Variants in SCGB2B2 observed in about 807,000 individuals in gnomAD.
The protein encoded by SCGB2B2 is secretoglobin family 2B member 2, also known as secretoglobin-like protein.
In SCGB2B2, 11 loss-of-function variants were observed where a neutral mutation model predicts 7.6. That is an observed-to-expected ratio of 1.45 (90% CI 0.91 to 2.40). The LOEUF is 2.40. Among genes scored for constraint, SCGB2B2 ranks in the 30% most tolerant of loss-of-function variants. SCGB2B2 has a pLI of 0.00. For synonymous variants in SCGB2B2, 50 were observed against 48.6 expected (o/e 1.03, Z -0.12); for missense variants, 104 against 115.4 (o/e 0.90, Z 0.45).
chr19:34,594,242 A>G lies in SCGB2B2; in HGVS notation c.179T>C (p.Phe60Ser), dbSNP rs1214921726. 2 of 1,613,994 alleles carry G rather than the reference A, an allele frequency of 1.2e-6. No homozygotes were observed. The highest frequency in any genetic ancestry group is 1.7e-6 in the Non-Finnish European group (2 of 1,179,974). Residue 60 changes from phenylalanine (F) to serine (S), a missense_variant, in exon 3 of 4, where the codon TTC becomes TCC. Coordinates refer to ENST00000601241, the MANE Select transcript of SCGB2B2 (RefSeq NM_001025591.4). ...GGCAAAGCATTGCTGGACATTGAGG[A>G]AGGACTCCTCTGTCAGGGGACTGGG... ...YNPSPLTEES[F>S]LNVQQCFANV...
chr19:34,637,229 G>C (rs1568437406), intron 1 of SCGB2B2, among the ~76,000 whole-genome samples: 2 of 152,132 alleles, frequency 1.3e-5, no homozygotes, highest in Non-Finnish European at 2.9e-5. Flanking sequence ...GGATCTATTG[G>C]GTTCACTGCA....
chr19:34,664,974 C>T (rs2067572985), intron 1 of SCGB2B2, among the ~76,000 whole-genome samples: 2 of 152,328 alleles, frequency 1.3e-5, no homozygotes, highest in Admixed American at 1.3e-4. Context: ...GCACCTCCTG[C>T]CCAGGTGTTT....
chr19:34,621,641 C>T (rs2066245281), intron 1 of SCGB2B2, among the ~76,000 whole-genome samples: 3 of 152,116 alleles, frequency 2.0e-5, no homozygotes, highest in Non-Finnish European at 2.9e-5. Context: ...TGGATATCCT[C>T]TTTTAATTAA....
intron 1 of SCGB2B2, among the ~76,000 whole-genome samples, chr19:34,657,800 T>C (rs1054808936): frequency 6.6e-5 from 10 of 152,334 alleles, no homozygotes; most frequent in African/African-American, 2.4e-4. Flanking sequence ...TACATTCTTC[T>C]CAGCACCACA....
rs957782018 is a variant in SCGB2B2, at chr19:34,628,983, G to T, written c.-2031-32389C>A. 3.1e-4 allele frequency among the ~76,000 whole-genome samples: 47 copies of T among 151,436 alleles called. 1 individual carries two copies. Among genetic ancestry groups the T allele is most frequent in the Admixed American group, 6.6e-4 (10 of 15,200 alleles). On this transcript the variant is annotated intron_variant, in intron 1 of 3. Coordinates refer to ENST00000601241, the MANE Select transcript of SCGB2B2 (RefSeq NM_001025591.4). ...GTTCAACATATGCAAATCAATAAAC[G>T]TAATCTATCATATAAACAGAACCAA...
chr19:34,622,067 A>C (rs755294652), intron 1 of SCGB2B2, among the ~76,000 whole-genome samples: 4 of 152,172 alleles, frequency 2.6e-5, no homozygotes, highest in Non-Finnish European at 5.9e-5. Context: ...ATATACAGTT[A>C]AGTCATTCCT....
In SCGB2B2 at chr19:34,656,182, G is replaced by A. The variant is rs956612288; in HGVS notation, c.-2032+19448C>T. 5.3e-5 allele frequency among the ~76,000 whole-genome samples: 8 copies of A among 151,176 alleles called. 1 individual carries two copies. Among genetic ancestry groups the A allele is most frequent in the African/African-American group, 1.5e-4 (6 of 40,510 alleles). On this transcript the variant is annotated intron_variant, in intron 1 of 3. Transcript: ENST00000601241. ...AGGAGGATTTACACCAGCAACGCAC[G>A]GTAGGTTTCAAATTACAAAATTATT... is the stretch of plus-strand genomic sequence containing the variant.
chr19:34,629,461 C>T lies in SCGB2B2; in HGVS notation c.-2031-32867G>A, dbSNP rs1224079554. On this transcript the variant is annotated intron_variant, in intron 1 of 3. Coordinates refer to ENST00000601241, the MANE Select transcript of SCGB2B2 (RefSeq NM_001025591.4). ...ATCAATGTGCAAAAATCAAGCATTC[C>T]TATACACCAATAACAGATAAACAGA... Among the ~76,000 whole-genome samples, 3 of 151,242 alleles carry T rather than the reference C, an allele frequency of 2.0e-5. 1 individual carries two copies. Among genetic ancestry groups the T allele is most frequent in the African/African-American group, 7.3e-5 (3 of 40,892 alleles).
chr19:34,593,591 G>T lies in SCGB2B2; in HGVS notation c.255C>A (p.Ile85=), dbSNP rs1341965795. 6.4e-7 allele frequency: 1 copy of T among 1,553,072 alleles called. No homozygotes were observed. The highest frequency in any genetic ancestry group is 1.9e-5 in the Admixed American group (1 of 51,426). Residue 85 remains isoleucine (I), a synonymous_variant, in exon 4 of 4, where the codon ATC becomes ATA. Transcript: ENST00000601241. ...CTTCTATGCAATCGTTGCTCTGAAGGATCTTCTTCTGTTGGAAAAAGAAGA... is the reference window on the plus strand; with the variant it reads ...CTTCTATGCAATCGTTGCTCTGAAGTATCTTCTTCTGTTGGAAAAAGAAGA... The part of the protein sequence containing the change: ...RFAHSVVIKK[I]LQSNDCIEAA...
chr19:34,674,714 T>C (rs2067879693), intron 1 of SCGB2B2, among the ~76,000 whole-genome samples: 1 of 152,118 alleles, frequency 6.6e-6, no homozygotes, highest in Admixed American at 6.5e-5. Context: ...AGGCAATATA[T>C]GGGAGAGGAA....
At chr19:34,648,078 G>A (rs2067070211) in intron 1 of SCGB2B2, among the ~76,000 whole-genome samples, 1 of 152,194 alleles carries the variant, frequency 6.6e-6, no homozygotes, top group African/African-American at 2.4e-5. Flanking sequence ...GGTGAAGCCT[G>A]GGGAGAAGCA....
At chr19:34,586,919 T>G (rs1488206452), downstream of SCGB2B2, among the ~76,000 whole-genome samples, 2 of 152,200 alleles carry the variant, frequency 1.3e-5, no homozygotes, top group African/African-American at 4.8e-5. Context: ...GTTGTTGTTG[T>G]TCTTTGAGAC....
chr19:34,636,940 A>G (rs1453771101), intron 1 of SCGB2B2, among the ~76,000 whole-genome samples: 1 of 152,148 alleles, frequency 6.6e-6, no homozygotes, highest in African/African-American at 2.4e-5. Flanking sequence ...GCAAGGCCTA[A>G]GGGAAAGACA....
intron 1 of SCGB2B2, among the ~76,000 whole-genome samples, chr19:34,638,686 T>C (rs184931248): frequency 4.3e-4 from 65 of 152,280 alleles, no homozygotes; most frequent in African/African-American, 1.5e-3. Flanking sequence ...AATTTCACTC[T>C]CTTAAACTCT....
intron 1 of SCGB2B2, among the ~76,000 whole-genome samples, chr19:34,674,760 T>C (rs2067881391): frequency 6.6e-6 from 1 of 152,130 alleles, no homozygotes; most frequent in Admixed American, 6.5e-5. Flanking sequence ...ACATCACAGA[T>C]TCAAGTTGTT....
intron 1 of SCGB2B2, among the ~76,000 whole-genome samples, chr19:34,610,042 GTTAAAT>G (rs1403447495): frequency 1.3e-5 from 2 of 151,706 alleles, no homozygotes; most frequent in East Asian, 1.9e-4. Context: ...CACCTCTTTG[GTTAAAT>G]TTATTCTTTT....
intron 1 of SCGB2B2, among the ~76,000 whole-genome samples, chr19:34,602,018 G>C (rs2065639528): frequency 6.6e-6 from 1 of 152,170 alleles, no homozygotes; most frequent in Non-Finnish European, 1.5e-5. Context: ...CCTTCATCCA[G>C]ATTCAAAAGG....
chr19:34,598,157 G>A (rs999158424), intron 1 of SCGB2B2, among the ~76,000 whole-genome samples: 2 of 152,186 alleles, frequency 1.3e-5, no homozygotes, highest in Admixed American at 1.3e-4. Context: ...AATTCTCAGA[G>A]GTCAGGGCCC....
chr19:34,668,220 T>A (rs1237494448), intron 1 of SCGB2B2, among the ~76,000 whole-genome samples: 1 of 152,006 alleles, frequency 6.6e-6, no homozygotes, highest in Non-Finnish European at 1.5e-5. Flanking sequence ...GAACCGGGGC[T>A]GAGCGTGGCG....
Sources: gnomAD v4.1 joint callset for allele counts (sites outside exome capture counted in the v4.1 genomes callset) on GRCh38, gnomAD v4.1.1 for gene constraint, MANE v1.5 for transcripts, NCBI Gene and HGNC (gene_info 2026-07-23, HGNC 2026-07-21) for gene names.